Variants in SLC51A observed in about 807,000 individuals in gnomAD.
The protein encoded by SLC51A is solute carrier family 51 member A.
Under a neutral mutation model 34.8 loss-of-function variants are expected in SLC51A, and 22 were observed. That is an observed-to-expected ratio of 0.63 (90% CI 0.45 to 0.90). The LOEUF (loss-of-function observed/expected upper bound fraction) is 0.90, where lower values mean the gene tolerates loss of function less well. Ranked by LOEUF, SLC51A falls within the 40% of genes least tolerant of loss-of-function variation. The pLI is 0.00. For synonymous variants in SLC51A, 181 were observed against 176.3 expected, an observed-to-expected ratio of 1.03 and a Z score of -0.21; for missense variants, 371 against 414.8, an observed-to-expected ratio of 0.89 and a Z score of 0.92.
intron 2 of SLC51A, among the ~76,000 whole-genome samples, chr3:196,222,893 C>G (rs745891304): frequency 6.6e-6 from 1 of 151,770 alleles, no homozygotes; most frequent in African/African-American, 2.4e-5. Context: ...ATGGACAGAC[C>G]CAGTATCGGG....
chr3:196,216,730 C>A lies in SLC51A; in HGVS notation c.18C>A (p.Thr6=), dbSNP rs1160143969. ...ACGCGGCGATGGAGCCGGGCAGGAC[C>A]CAGATAAAGCTTGACCCCAGGTAAG... is the stretch of plus-strand genomic sequence containing the variant. MEPGR[T]QIKLDPRYTA... Residue 6 remains threonine, a synonymous_variant, in exon 1 of 9, where the codon ACC becomes ACA. Transcript: ENST00000296327. This position sits in a 1 kb window ranked among gnomAD's most constrained non-coding sequence, Gnocchi z 4.5. The A allele has an allele frequency of 1.6e-5, 26 of 1,577,518 alleles. No individual in the cohort carries two copies. Among genetic ancestry groups the A allele is most frequent in the East Asian group, 2.3e-5 (1 of 42,956 alleles).
rs780868037 is a variant in SLC51A at position 196,226,773 on chromosome 3, TA to T, written c.134-176del. Reference sequence around the variant, plus strand: ...TGGGCAACAGAGTGAGGCTCCGTCTTAAAAAAAAAAAAAAAAGAAAAAGAAA... The same window carrying T: ...TGGGCAACAGAGTGAGGCTCCGTCTTAAAAAAAAAAAAAAAGAAAAAGAAA... On this transcript the variant is annotated intron_variant, in intron 2 of 8. Transcript: ENST00000296327. Among the ~76,000 whole-genome samples, 662 of 107,548 alleles carry T rather than the reference TA, an allele frequency of 6.2e-3. 5 individuals carry two copies. Among genetic ancestry groups the T allele is most frequent in the African/African-American group, 0.019 (516 of 27,534 alleles). The allele number at this position is 107,548 out of a possible 152,430, so 70.6% of individuals were successfully genotyped here. A position where few individuals can be genotyped will look rare whatever the true frequency, so the allele number is the denominator to read the frequency against.
chr3:196,233,033 A>T, intron 8 of SLC51A, 30 bp from the exon 9 acceptor site: 1 of 1,611,222 alleles, frequency 6.2e-7, no homozygotes. Context: ...ACTCAGCATA[A>T]CCTACGCTGT....
intron 6 of SLC51A, 147 bp downstream of exon 6, chr3:196,229,067 G>C (rs1260524175): frequency 1.5e-6 from 1 of 674,196 alleles, no homozygotes; most frequent in Admixed American, 2.6e-5. Flanking sequence ...CTGCCAGGGA[G>C]AGAACCGCAA....
intron 3 of SLC51A, 61 bp downstream of exon 3, chr3:196,227,180 A>C: frequency 6.4e-7 from 1 of 1,564,508 alleles, no homozygotes; most frequent in African/African-American, 1.4e-5. Flanking sequence ...CCAAGGTGAG[A>C]ATTCCTCTAA....
At position 196,217,948 on chromosome 3, in the gene SLC51A, C is replaced by T; in HGVS notation, c.133+12C>T. ...CCAACTCCTGAGAGGTGAGTGGGGA[C>T]CCTCCTCAGAGGGAACTGAGAGGAG... On this transcript the variant is annotated intron_variant, in intron 2 of 8. Transcript: ENST00000296327. 3 of 1,608,256 alleles carry T rather than the reference C, an allele frequency of 1.9e-6. No homozygotes were observed. Among genetic ancestry groups the T allele is most frequent in the Non-Finnish European group, 2.5e-6 (3 of 1,176,982 alleles).
intron 2 of SLC51A, among the ~76,000 whole-genome samples, chr3:196,226,054 C>T (rs556683281): frequency 1.2e-4 from 19 of 152,296 alleles, no homozygotes; most frequent in Non-Finnish European, 2.5e-4. Flanking sequence ...TGGTGGCTCA[C>T]GTCTGTAATC....
At chr3:196,225,005 T>G (rs561337965) in intron 2 of SLC51A, among the ~76,000 whole-genome samples, 3 of 151,590 alleles carry the variant, frequency 2.0e-5, no homozygotes, top group Non-Finnish European at 2.9e-5. Context: ...CTAACTTTTT[T>G]CAGTATTATA....
In SLC51A at chr3:196,228,337, T is replaced by G; in HGVS notation, c.521+64T>G. 6.5e-7 allele frequency: 1 copy of G among 1,540,810 alleles called. No homozygotes were observed. The highest frequency in any genetic ancestry group is 8.7e-7 in the Non-Finnish European group (1 of 1,148,668). The stretch of plus-strand genomic sequence containing the variant: ...AGCCTCTCCTGGACCCCTGGTCCCC[T>G]TCAAGGCTCTGGGAATTAGGCGTGA... On this transcript the variant is annotated intron_variant, in intron 5 of 8. Coordinates refer to ENST00000296327, the MANE Select transcript of SLC51A (RefSeq NM_152672.6). This position sits in a 1 kb window ranked among gnomAD's most constrained non-coding sequence, Gnocchi z 4.9.
chr3:196,229,199 G>A (rs1723970974), intron 6 of SLC51A, among the ~76,000 whole-genome samples: 1 of 152,052 alleles, frequency 6.6e-6, no homozygotes, highest in African/African-American at 2.4e-5. Context: ...GCTCAAGAGT[G>A]GGAGTTCAAG....
chr3:196,226,825 ATACTC>A (rs1723905261), intron 2 of SLC51A, 135 bp from the exon 3 acceptor site: 1 of 636,422 alleles, frequency 1.6e-6, no homozygotes, highest in Non-Finnish European at 2.5e-6. Flanking sequence ...CTTAGGTTGA[ATACTC>A]TAGGTCTAAA....
intron 2 of SLC51A, among the ~76,000 whole-genome samples, chr3:196,219,219 G>A (rs2108752714): frequency 6.6e-6 from 1 of 152,022 alleles, no homozygotes; most frequent in Non-Finnish European, 1.5e-5. Flanking sequence ...GAGTGAGTGA[G>A]ACTCCGTCTC....
chr3:196,232,997 G>T, intron 8 of SLC51A, 66 bp from the exon 9 acceptor site: 1 of 1,526,066 alleles, frequency 6.6e-7, no homozygotes, highest in African/African-American at 1.4e-5. Context: ...CCGTGCCCGG[G>T]CTGCTAGTAA....
Position 196,229,990 on chromosome 3 carries a change from G to T in SLC51A, c.709G>T (p.Gly237Cys). 6.2e-7 allele frequency: 1 copy of T among 1,613,888 alleles called. No homozygotes were observed. Among genetic ancestry groups the T allele is most frequent in the Non-Finnish European group, 8.5e-7 (1 of 1,179,884 alleles). Residue 237 changes from glycine to cysteine, a missense_variant, in exon 7 of 9, where the codon GGC (glycine) becomes TGC (cysteine). By Grantham distance (159) the Gly-to-Cys change is radical. Coordinates refer to ENST00000296327, the MANE Select transcript of SLC51A (RefSeq NM_152672.6). ...VSTLLALWTL[G>C]IISRQARLHL... Reference sequence around the variant, plus strand: ...CACACTGCTGGCTCTCTGGACCCTGGGCATCATTTCCCGTCAAGCCAGGCT... The same window carrying T: ...CACACTGCTGGCTCTCTGGACCCTGTGCATCATTTCCCGTCAAGCCAGGCT...
chr3:196,219,478 G>A (rs1382080280), intron 2 of SLC51A, among the ~76,000 whole-genome samples: 1 of 152,244 alleles, frequency 6.6e-6, no homozygotes, highest in Admixed American at 6.5e-5. Context: ...CTCAGTGTGC[G>A]TTCTGTTGCA....
At chr3:196,227,354 G>A in intron 3 of SLC51A, 1 of 594,138 alleles carries the variant, frequency 1.7e-6, no homozygotes, top group Non-Finnish European at 3.0e-6. Context: ...CAGCCCACCA[G>A]CCGCCTCATC....
chr3:196,227,528 CT>C (rs1313859984), intron 3 of SLC51A, 135 bp from the exon 4 acceptor site: 6 of 743,166 alleles, frequency 8.1e-6, no homozygotes, highest in Non-Finnish European at 1.4e-5. Flanking sequence ...TTAATTAGTG[CT>C]TTTTCCAGCT....
intron 2 of SLC51A, among the ~76,000 whole-genome samples, chr3:196,221,064 G>T (rs1015155828): frequency 6.6e-6 from 1 of 151,030 alleles, no homozygotes; most frequent in African/African-American, 2.4e-5. Flanking sequence ...GCTAATTTTT[G>T]TATTTTTTTG....
At chr3:196,218,128 A>G (rs190574364) in intron 2 of SLC51A, among the ~76,000 whole-genome samples, 192 bp downstream of exon 2, 76 of 152,346 alleles carry the variant, frequency 5.0e-4, no homozygotes, top group Non-Finnish European at 9.0e-4. Context: ...AAAGGGTAGC[A>G]TGAGAGCCTG....
Sources: allele counts gnomAD v4.1 joint callset (sites outside exome capture counted in the v4.1 genomes callset), GRCh38; gene constraint gnomAD v4.1.1; non-coding constraint Gnocchi (gnomAD v3.1); transcripts MANE v1.5; gene names NCBI Gene and HGNC (gene_info 2026-07-23, HGNC 2026-07-21).